ZFP42: variants seen among roughly 807,000 people sequenced by gnomAD.
ZFP42 encodes the protein ZFP42 zinc finger protein, also known as zinc finger protein 42 homolog.
For synonymous variants in ZFP42, 175 were observed against 144.6 expected (o/e 1.21, Z -1.51); for missense variants, 438 against 377.1 (o/e 1.16, Z -1.34).
At chr4:187,998,545 T>C (rs1014950880) in intron 1 of ZFP42, among the ~76,000 whole-genome samples, 8 of 152,222 alleles carry the variant, frequency 5.3e-5, no homozygotes, top group Non-Finnish European at 1.0e-4. Flanking sequence ...CTACCAGTAC[T>C]GTGAGCTCCA....
At position 187,997,627 on chromosome 4, in the gene ZFP42, C is replaced by A. The variant is rs1733654393; in HGVS notation, c.-338-1481C>A. Among the ~76,000 whole-genome samples the A allele has an allele frequency of 1.3e-5, 2 of 151,634 alleles. 1 individual carries two copies. The highest frequency in any genetic ancestry group is 4.2e-4 in the South Asian group (2 of 4,798). On this transcript the variant is annotated intron_variant, in intron 1 of 3. Transcript: ENST00000326866. Reference sequence around the variant, plus strand: ...TGTCCCACACCAAACTTTGTGTTAACGAGGAACTTTGCATCTTTTTCCCTA... The same window carrying A: ...TGTCCCACACCAAACTTTGTGTTAAAGAGGAACTTTGCATCTTTTTCCCTA...
At chr4:187,998,756 T>C (rs1702981051) in intron 1 of ZFP42, among the ~76,000 whole-genome samples, 1 of 152,156 alleles carries the variant, frequency 6.6e-6, no homozygotes, top group African/African-American at 2.4e-5. Context: ...GGCTGTGCCA[T>C]TCGGGTCTGC....
intron 3 of ZFP42, among the ~76,000 whole-genome samples, chr4:188,002,378 A>AT (rs1733859011): frequency 6.6e-6 from 1 of 152,162 alleles, no homozygotes; most frequent in African/African-American, 2.4e-5. Flanking sequence ...CTTATTTTCT[A>AT]TGCTCATGAG....
At chr4:187,998,780 G>C (rs147795632) in intron 1 of ZFP42, among the ~76,000 whole-genome samples, 1 of 152,292 alleles carries the variant, frequency 6.6e-6, no homozygotes, top group Non-Finnish European at 1.5e-5. Context: ...GCTACACTCT[G>C]TGATGTTCAC....
chr4:187,996,686 C>G (rs1231927545), intron 1 of ZFP42, among the ~76,000 whole-genome samples: 1 of 152,124 alleles, frequency 6.6e-6, no homozygotes, highest in African/African-American at 2.4e-5. Flanking sequence ...GGGGGTGGTT[C>G]TTTCTCCTGT....
chr4:187,996,792 G>C (rs893937198), intron 1 of ZFP42, among the ~76,000 whole-genome samples: 1 of 152,062 alleles, frequency 6.6e-6, no homozygotes, highest in Non-Finnish European at 1.5e-5. Context: ...AGATTTTTCT[G>C]TTCTCCCCAA....
At chr4:187,997,852 A>C (rs1289769028) in intron 1 of ZFP42, among the ~76,000 whole-genome samples, 2 of 152,188 alleles carry the variant, frequency 1.3e-5, no homozygotes, top group Non-Finnish European at 2.9e-5. Context: ...CATGATCCTG[A>C]ATTTGTGTAG....
intron 3 of ZFP42, among the ~76,000 whole-genome samples, chr4:188,000,940 GA>G (rs1262873954): frequency 7.9e-4 from 120 of 152,216 alleles, no homozygotes; most frequent in African/African-American, 2.7e-3. Flanking sequence ...AGGTTGCAGT[GA>G]GCTGAGATTG....
chr4:187,996,999 CAT>C (rs1560911035), intron 1 of ZFP42, among the ~76,000 whole-genome samples: 1,473 of 36,844 alleles, frequency 0.04, 29 homozygotes, highest in African/African-American at 0.24. Context: ...GAGCATGGAG[CAT>C]GGAGCGTGGA....
chr4:188,002,971 G>C lies in ZFP42; in HGVS notation c.164G>C (p.Cys55Ser). The change falls in exon 4 of 4, where the codon TGC becomes TCC. Residue 55 changes from cysteine to serine, a missense_variant. Coordinates refer to ENST00000326866, the MANE Select transcript of ZFP42 (RefSeq NM_174900.5). ...AVWALCDGYVCYEPGPQALGG... is the reference protein window; with the variant it reads ...AVWALCDGYVSYEPGPQALGG... ...TGGGCCTTATGTGATGGCTATGTGT[G>C]CTATGAGCCTGGCCCTCAGGCTCTC... The C allele has an allele frequency of 1.9e-6, 3 of 1,614,150 alleles. No individual in the cohort carries two copies. Among genetic ancestry groups the C allele is most frequent in the Non-Finnish European group, 2.5e-6 (3 of 1,180,036 alleles).
intron 1 of ZFP42, among the ~76,000 whole-genome samples, chr4:187,997,121 G>T (rs149579977): frequency 1.3e-5 from 2 of 151,762 alleles, no homozygotes; most frequent in African/African-American, 4.8e-5. Context: ...CCACCCCCGT[G>T]CACTTTTCCT....
chr4:187,998,283 C>T (rs191735363), intron 1 of ZFP42, among the ~76,000 whole-genome samples: 71 of 151,882 alleles, frequency 4.7e-4, no homozygotes, highest in Non-Finnish European at 3.1e-4. Flanking sequence ...TTGCTGTGAG[C>T]GGAGATCACG....
intron 3 of ZFP42, among the ~76,000 whole-genome samples, chr4:188,000,559 A>G (rs972233366): frequency 6.6e-6 from 1 of 152,030 alleles, no homozygotes; most frequent in Admixed American, 6.6e-5. Context: ...TATTTTTAGT[A>G]GACAGGGTTC....
rs1001687771 is a variant in ZFP42 at position 188,003,692 on chromosome 4, C to T, written c.885C>T (p.His295=). ...TTCAGTCAAATAACCTGAAAGCCCACATCCTAACGCATGCAAATACGAACA... is the reference window on the plus strand; with the variant it reads ...TTCAGTCAAATAACCTGAAAGCCCATATCCTAACGCATGCAAATACGAACA... ...RFIQSNNLKA[H]ILTHANTNKN... is the part of the protein sequence containing the mutation. The change falls in exon 4 of 4, where the codon CAC becomes CAT. Residue 295 remains histidine (H), a synonymous_variant. Transcript: ENST00000326866. The T allele has an allele frequency of 5.6e-6, 9 of 1,613,650 alleles. No individual in the cohort carries two copies. Among genetic ancestry groups the T allele is most frequent in the Non-Finnish European group, 7.6e-6 (9 of 1,179,728 alleles).
At position 188,003,915 on chromosome 4, in the gene ZFP42, C is replaced by T; in HGVS notation, c.*175C>T. On this transcript the variant is annotated 3_prime_UTR_variant, in exon 4 of 4. Transcript: ENST00000326866. The stretch of plus-strand genomic sequence containing the variant: ...GTGATACCGTTTTAAGGACATGGTG[C>T]ATTTTTTTTTCTTTTATTTGTTTTA... 1.8e-6 allele frequency: 1 copy of T among 563,328 alleles called. No individual in the cohort carries two copies. Among genetic ancestry groups the T allele is most frequent in the East Asian group, 3.1e-5 (1 of 32,402 alleles). 34.9% of individuals were successfully genotyped at this position (563,328 alleles called of 1,614,324 possible).
downstream of ZFP42, chr4:188,005,057 A>G (rs1367870926): frequency 6.0e-6 from 1 of 167,094 alleles, no homozygotes; most frequent in Non-Finnish European, 1.5e-5. Context: ...GAAATATGCC[A>G]AGTCTGTATT....
chr4:188,004,796 TA>T lies in ZFP42; in HGVS notation c.*1061del, dbSNP rs1733987594. 1 of 167,056 alleles carries T rather than the reference TA, an allele frequency of 6.0e-6. No individual in the cohort carries two copies. Among genetic ancestry groups the T allele is most frequent in the Admixed American group, 6.5e-5 (1 of 15,276 alleles). 10.3% of individuals were successfully genotyped at this position (167,056 alleles called of 1,614,324 possible). ...GCAAGAGCCCATCTTTTAAAAAAAG[TA>T]AAAATTAAAAATATACTTCATGGTT... On this transcript the variant is annotated 3_prime_UTR_variant, in exon 4 of 4. Coordinates refer to ENST00000326866, the MANE Select transcript of ZFP42 (RefSeq NM_174900.5).
intron 1 of ZFP42, among the ~76,000 whole-genome samples, chr4:187,998,182 C>G (rs992943762): frequency 2.0e-5 from 3 of 151,826 alleles, no homozygotes; most frequent in Non-Finnish European, 4.4e-5. Flanking sequence ...ACTAAAAATA[C>G]GAAATTAGCT....
In ZFP42 at chr4:188,003,264, C is replaced by T; in HGVS notation, c.457C>T (p.Pro153Ser). 6.2e-7 allele frequency: 1 copy of T among 1,614,090 alleles called. No homozygotes were observed. Among genetic ancestry groups the T allele is most frequent in the African/African-American group, 1.3e-5 (1 of 75,026 alleles). ...YSEYMTGKKLPPGGIPGIDLS... is the reference protein window; with the variant it reads ...YSEYMTGKKLSPGGIPGIDLS... The stretch of plus-strand genomic sequence containing the variant: ...TGAGTACATGACAGGCAAGAAGCTT[C>T]CGCCTGGAGGAATACCTGGCATTGA... Residue 153 changes from proline to serine, a missense_variant, in exon 4 of 4, where the codon CCG (proline) becomes TCG (serine). By Grantham distance (74) the Pro-to-Ser change is moderately conservative (BLOSUM62 -1). Coordinates refer to ENST00000326866, the MANE Select transcript of ZFP42 (RefSeq NM_174900.5).
Sources: allele counts gnomAD v4.1 joint callset (sites outside exome capture counted in the v4.1 genomes callset), GRCh38; gene constraint gnomAD v4.1.1; transcripts MANE v1.5; gene names NCBI Gene and HGNC (gene_info 2026-07-23, HGNC 2026-07-21).